SGCZ: variants seen among roughly 807,000 people sequenced by gnomAD.
The protein encoded by SGCZ is zeta-sarcoglycan.
In SGCZ, 40 loss-of-function variants were observed where a neutral mutation model predicts 41.3. The observed-to-expected ratio is 0.97, with a 90% CI of 0.75 to 1.26. The LOEUF is 1.26. Ranked by LOEUF, SGCZ falls within the 50% of genes most tolerant of loss-of-function variation. The pLI is 0.00. For missense variants in SGCZ, 552 were observed against 369.8 expected (o/e 1.49, Z -4.04); for synonymous variants, 206 against 137.5 (o/e 1.50, Z -3.49).
rs1194036894 is a variant in SGCZ at position 14,789,553 on chromosome 8, C to A, written c.40-234627G>T. ...TTACAATTTTAGTATCTAAAACTTA[C>A]AAGGCTCTTCATGCTTTAGACCTTT... On this transcript the variant is annotated intron_variant, in intron 1 of 7. Coordinates refer to ENST00000382080, the MANE Select transcript of SGCZ (RefSeq NM_139167.4). 3.9e-5 allele frequency among the ~76,000 whole-genome samples: 6 copies of A among 152,176 alleles called. No individual in the cohort carries two copies. The East Asian group carries it at 9.6e-4, about 24-fold the overall frequency.
intron 1 of SGCZ, among the ~76,000 whole-genome samples, chr8:14,761,284 T>C (rs1799863408): frequency 6.6e-6 from 1 of 152,034 alleles, no homozygotes; most frequent in Non-Finnish European, 1.5e-5. Flanking sequence ...AAATATTATA[T>C]TAAAATGTTC....
At chr8:14,723,478 C>T (rs991655563) in intron 1 of SGCZ, among the ~76,000 whole-genome samples, 5 of 152,194 alleles carry the variant, frequency 3.3e-5, no homozygotes, top group Admixed American at 6.5e-5. Context: ...GAGAGGAGGC[C>T]TTAGCAGGCG....
chr8:14,104,479 AAAG>A (rs557306422), intron 6 of SGCZ, among the ~76,000 whole-genome samples: 39 of 152,324 alleles, frequency 2.6e-4, no homozygotes, highest in Non-Finnish European at 5.3e-4. Context: ...CATTCAGAAA[AAAG>A]AAGAATTCAG....
At chr8:14,141,326 T>C (rs1585172481) in intron 5 of SGCZ, among the ~76,000 whole-genome samples, 1 of 152,080 alleles carries the variant, frequency 6.6e-6, no homozygotes, top group Non-Finnish European at 1.5e-5. Flanking sequence ...TGTGATCTGA[T>C]TAAACTAAAG....
chr8:14,273,516 C>T (rs1258241671), intron 3 of SGCZ, among the ~76,000 whole-genome samples: 1 of 152,164 alleles, frequency 6.6e-6, no homozygotes, highest in Non-Finnish European at 1.5e-5. Flanking sequence ...TGATGGATTT[C>T]CCAATCCTCA....
chr8:15,180,422 A>G (rs944403740), intron 1 of SGCZ, among the ~76,000 whole-genome samples: 1 of 152,206 alleles, frequency 6.6e-6, no homozygotes, highest in Admixed American at 6.5e-5. Context: ...TTTAGGGCTC[A>G]GTAACATGTC....
chr8:15,199,267 A>T (rs1800823297), intron 1 of SGCZ, among the ~76,000 whole-genome samples: 1 of 152,176 alleles, frequency 6.6e-6, no homozygotes, highest in Non-Finnish European at 1.5e-5. Context: ...AATCTTTTAC[A>T]AGATGTGTGT....
intron 2 of SGCZ, among the ~76,000 whole-genome samples, chr8:14,394,203 T>C (rs1052870975): frequency 2.8e-5 from 4 of 141,078 alleles, no homozygotes; most frequent in African/African-American, 8.0e-5. Context: ...CAGGCTGGAG[T>C]GCAGTGGCAT....
chr8:14,703,719 G>C (rs1330313983), intron 1 of SGCZ, among the ~76,000 whole-genome samples: 2 of 151,922 alleles, frequency 1.3e-5, no homozygotes, highest in Non-Finnish European at 2.9e-5. Context: ...CTTCACTTGT[G>C]TAAAATGACT....
chr8:14,992,065 G>A (rs1802032730), intron 1 of SGCZ, among the ~76,000 whole-genome samples: 1 of 144,824 alleles, frequency 6.9e-6, no homozygotes, highest in African/African-American at 2.6e-5. Context: ...TGTTACCCTT[G>A]ATATTTACCT....
At chr8:14,743,496 T>G (rs558137634) in intron 1 of SGCZ, among the ~76,000 whole-genome samples, 107 of 152,202 alleles carry the variant, frequency 7.0e-4, no homozygotes, top group African/African-American at 2.6e-3. Flanking sequence ...TACATTATTT[T>G]AAAATATGAA....
intron 3 of SGCZ, among the ~76,000 whole-genome samples, chr8:14,313,180 T>C (rs925531427): frequency 1.3e-5 from 2 of 152,170 alleles, no homozygotes; most frequent in East Asian, 1.9e-4. Flanking sequence ...TTAGAACTGG[T>C]TGAGAATGTG....
intron 2 of SGCZ, among the ~76,000 whole-genome samples, chr8:14,513,265 TG>T (rs1802517657): frequency 6.6e-6 from 1 of 152,082 alleles, no homozygotes. Context: ...CTTGAACTCA[TG>T]GGCTTAAGCA....
At chr8:14,821,898 G>A (rs1020094302) in intron 1 of SGCZ, among the ~76,000 whole-genome samples, 1 of 151,976 alleles carries the variant, frequency 6.6e-6, no homozygotes, top group Non-Finnish European at 1.5e-5. Flanking sequence ...TCTAAAATTA[G>A]GAACTAGACA....
At chr8:14,142,649 T>C (rs1803406508) in intron 5 of SGCZ, among the ~76,000 whole-genome samples, 1 of 152,146 alleles carries the variant, frequency 6.6e-6, no homozygotes, top group African/African-American at 2.4e-5. Flanking sequence ...GTGATATGGT[T>C]GGACTCTGTG....
chr8:14,585,745 GATTA>G (rs569684551), intron 1 of SGCZ, among the ~76,000 whole-genome samples: 225 of 152,126 alleles, frequency 1.5e-3, no homozygotes, highest in African/African-American at 5.1e-3. Context: ...AATACTCAAC[GATTA>G]ATTGTTTATT....
chr8:15,085,667 C>T (rs1005154418), intron 1 of SGCZ, among the ~76,000 whole-genome samples: 2 of 152,142 alleles, frequency 1.3e-5, no homozygotes, highest in Non-Finnish European at 2.9e-5. Flanking sequence ...CTATAATGTA[C>T]ATTTTATTTT....
rs914858421 is a variant in SGCZ at position 14,523,438 on chromosome 8, T to C, written c.234+31294A>G. On this transcript the variant is annotated intron_variant, in intron 2 of 7. Coordinates refer to ENST00000382080, the MANE Select transcript of SGCZ (RefSeq NM_139167.4). ...AGTGATGTTTTAAGTCAAAACAGGA[T>C]TCTAGTTTAAGTTTTTCTTCTTTAT... 3.9e-5 allele frequency among the ~76,000 whole-genome samples: 6 copies of C among 152,178 alleles called. No individual in the cohort carries two copies. The East Asian group carries it at 1.2e-3, about 29-fold the overall frequency.
At position 14,368,652 on chromosome 8, in the gene SGCZ, C is replaced by T. The variant is rs115617112; in HGVS notation, c.235-44448G>A. 5.0e-3 allele frequency among the ~76,000 whole-genome samples: 751 copies of T among 151,626 alleles called. 4 individuals carry two copies. Among genetic ancestry groups the T allele is most frequent in the African/African-American group, 0.018 (732 of 41,084 alleles). ...TTTTTGAAAGAGCACTCCAGTAAAC[C>T]AGTGAATAATAAGAGACATTGCATT... On this transcript the variant is annotated intron_variant, in intron 2 of 7. Coordinates refer to ENST00000382080, the MANE Select transcript of SGCZ (RefSeq NM_139167.4).
Sources: gnomAD v4.1 joint callset for allele counts (sites outside exome capture counted in the v4.1 genomes callset) on GRCh38, gnomAD v4.1.1 for gene constraint, MANE v1.5 for transcripts, NCBI Gene and HGNC (gene_info 2026-07-23, HGNC 2026-07-21) for gene names.